Variants in PDE3A observed in about 807,000 individuals in gnomAD.
PDE3A encodes the protein phosphodiesterase 3A.
In PDE3A, 43 loss-of-function variants were observed where a neutral mutation model predicts 98.3. The ratio of observed to expected loss-of-function variants is 0.44; its 90% CI spans 0.34 to 0.56. The LOEUF (loss-of-function observed/expected upper bound fraction) is 0.56. PDE3A is among the 20% of genes least tolerant of loss of function. The probability of loss-of-function intolerance (pLI) is 0.01; values close to 1 mark genes in which losing one functional copy is unlikely to be tolerated. For synonymous variants in PDE3A, 663 were observed against 567.9 expected, an observed-to-expected ratio of 1.17 and a Z score of -2.38; for missense variants, 1,427 against 1,440.7, an observed-to-expected ratio of 0.99 and a Z score of 0.15.
At chr12:20,382,185 G>A (rs1162122075) in intron 1 of PDE3A, among the ~76,000 whole-genome samples, 1 of 151,768 alleles carries the variant, frequency 6.6e-6, no homozygotes, top group Non-Finnish European at 1.5e-5. Flanking sequence ...CTCTGATTTA[G>A]TTAAGTGTAG....
intron 2 of PDE3A, among the ~76,000 whole-genome samples, chr12:20,596,086 T>C (rs1943459773): frequency 6.6e-6 from 1 of 152,184 alleles, no homozygotes; most frequent in Non-Finnish European, 1.5e-5. Flanking sequence ...TTAAAGAACA[T>C]GTGCTGAATT....
At chr12:20,516,172 CT>C (rs1218213334) in intron 1 of PDE3A, among the ~76,000 whole-genome samples, 2 of 151,850 alleles carry the variant, frequency 1.3e-5, no homozygotes, top group Non-Finnish European at 2.9e-5. Context: ...GACAAGCATA[CT>C]TTTTTTTCAT....
chr12:20,493,306 C>G lies in PDE3A; in HGVS notation c.961-63354C>G, dbSNP rs546557824. On this transcript the variant is annotated intron_variant, in intron 1 of 15. Coordinates refer to ENST00000359062, the MANE Select transcript of PDE3A (RefSeq NM_000921.5). ...AGCCCTCTGTATCTGTGTGTTCTGC[C>G]TTTGTGGATTCAACCAATTGTGAAT... Among the ~76,000 whole-genome samples, 147 of 151,986 alleles carry G rather than the reference C, an allele frequency of 9.7e-4. 1 individual carries two copies. The highest frequency in any genetic ancestry group is 1.3e-3 in the Non-Finnish European group (89 of 67,984).
chr12:20,380,341 T>G (rs1308869975), intron 1 of PDE3A, among the ~76,000 whole-genome samples: 6 of 151,838 alleles, frequency 4.0e-5, no homozygotes, highest in Admixed American at 3.3e-4. Flanking sequence ...ATCTAGAAAT[T>G]TGGTAGCATA....
At chr12:20,612,642 T>A (rs992065740) in intron 2 of PDE3A, among the ~76,000 whole-genome samples, 1 of 144,516 alleles carries the variant, frequency 6.9e-6, no homozygotes, top group African/African-American at 2.6e-5. Context: ...GTTACTTATA[T>A]AAGTAACTAT....
intron 2 of PDE3A, among the ~76,000 whole-genome samples, chr12:20,601,947 G>C (rs1472802064): frequency 1.3e-5 from 2 of 152,202 alleles, no homozygotes; most frequent in East Asian, 1.9e-4. Flanking sequence ...AGCAATTCTT[G>C]ATATTTAACA....
In PDE3A at chr12:20,460,113, G is replaced by GA. The variant is rs543330891; in HGVS notation, c.960+89876dup. The stretch of plus-strand genomic sequence containing the variant: ...GCCCCCTGCTGCTGTTACCTCAGCA[G>GA]AAAAAAATAGCCTATACTTCTTCCA... On this transcript the variant is annotated intron_variant, in intron 1 of 15. Transcript: ENST00000359062. 4.3e-3 allele frequency among the ~76,000 whole-genome samples: 653 copies of GA among 152,248 alleles called. 7 individuals carry two copies. The highest frequency in any genetic ancestry group is 0.015 in the African/African-American group (606 of 41,542).
intron 1 of PDE3A, among the ~76,000 whole-genome samples, chr12:20,442,258 CT>C (rs1369481332): frequency 6.6e-6 from 1 of 152,146 alleles, no homozygotes; most frequent in African/African-American, 2.4e-5. Context: ...TATTCATGAC[CT>C]GTTTTGTCTA....
At chr12:20,663,954 T>C (rs562715758) in intron 15 of PDE3A, among the ~76,000 whole-genome samples, 2 of 152,252 alleles carry the variant, frequency 1.3e-5, no homozygotes, top group South Asian at 4.2e-4. Context: ...TCTCCATGTG[T>C]TGCGGGAGGG....
At chr12:20,477,620 C>G (rs1430037235) in intron 1 of PDE3A, among the ~76,000 whole-genome samples, 1 of 152,148 alleles carries the variant, frequency 6.6e-6, no homozygotes, top group Non-Finnish European at 1.5e-5. Flanking sequence ...AATCTTTTCC[C>G]TTGAACATAA....
At chr12:20,517,943 G>A (rs2121139155) in intron 1 of PDE3A, among the ~76,000 whole-genome samples, 1 of 152,292 alleles carries the variant, frequency 6.6e-6, no homozygotes. Context: ...TTTACAAAGA[G>A]ACTCCTAATC....
At chr12:20,461,164 T>C (rs1945241591) in intron 1 of PDE3A, among the ~76,000 whole-genome samples, 1 of 149,750 alleles carries the variant, frequency 6.7e-6, no homozygotes, top group Non-Finnish European at 1.5e-5. Flanking sequence ...GCTAGGATGC[T>C]TTCATGTCCC....
At chr12:20,578,362 G>C (rs1555093571) in intron 2 of PDE3A, among the ~76,000 whole-genome samples, 1 of 152,138 alleles carries the variant, frequency 6.6e-6, no homozygotes, top group South Asian at 2.1e-4. Flanking sequence ...AGACAGAGAT[G>C]GTGGGGCAGC....
chr12:20,485,932 C>T (rs868095075), intron 1 of PDE3A, among the ~76,000 whole-genome samples: 142 of 152,288 alleles, frequency 9.3e-4, no homozygotes, highest in African/African-American at 3.3e-3. Context: ...GCCTGACCAA[C>T]AAGACTAAGG....
chr12:20,493,545 G>A (rs1945864460), intron 1 of PDE3A, among the ~76,000 whole-genome samples: 1 of 152,046 alleles, frequency 6.6e-6, no homozygotes, highest in Non-Finnish European at 1.5e-5. Flanking sequence ...TTGACTATAT[G>A]TACATATACA....
At chr12:20,390,309 A>C (rs1943889177) in intron 1 of PDE3A, among the ~76,000 whole-genome samples, 1 of 151,912 alleles carries the variant, frequency 6.6e-6, no homozygotes. Flanking sequence ...GAGTGATGTG[A>C]ACAGATTAAA....
intron 1 of PDE3A, among the ~76,000 whole-genome samples, chr12:20,374,064 C>T (rs1253469662): frequency 1.3e-5 from 2 of 152,050 alleles, no homozygotes; most frequent in African/African-American, 4.8e-5. Context: ...TAGTGTTACT[C>T]AGTTTATGGT....
At chr12:20,437,473 G>A (rs1046212329) in intron 1 of PDE3A, among the ~76,000 whole-genome samples, 5 of 152,224 alleles carry the variant, frequency 3.3e-5, no homozygotes, top group South Asian at 2.1e-4. Context: ...ATTGGCTCAC[G>A]GTTCTGCAGA....
intron 1 of PDE3A, among the ~76,000 whole-genome samples, chr12:20,513,288 A>G (rs910271988): frequency 3.3e-5 from 5 of 152,306 alleles, no homozygotes; most frequent in African/African-American, 1.2e-4. Context: ...TACGTTAGAA[A>G]TATTTGTGGG....
Sources: gnomAD v4.1 joint callset for allele counts (sites outside exome capture counted in the v4.1 genomes callset) on GRCh38, gnomAD v4.1.1 for gene constraint, MANE v1.5 for transcripts, NCBI Gene and HGNC (gene_info 2026-07-23, HGNC 2026-07-21) for gene names.